LAPTM4A: variants seen among roughly 807,000 people sequenced by gnomAD.
LAPTM4A encodes lysosomal-associated transmembrane protein 4A.
A neutral mutation model predicts 29.9 loss-of-function variants in LAPTM4A; 19 were observed. That is an observed-to-expected ratio of 0.64 (90% CI 0.44 to 0.93). The LOEUF is 0.93. Ranked by LOEUF, LAPTM4A falls within the 40% of genes least tolerant of loss-of-function variation. LAPTM4A has a pLI of 0.00. For missense variants in LAPTM4A, 293 were observed against 288.5 expected, an observed-to-expected ratio of 1.02 and a Z score of -0.11; for synonymous variants, 105 against 102.1, an observed-to-expected ratio of 1.03 and a Z score of -0.17.
chr2:20,050,034 A>G (rs1057163934), intron 1 of LAPTM4A, among the ~76,000 whole-genome samples: 5 of 152,238 alleles, frequency 3.3e-5, no homozygotes, highest in South Asian at 2.1e-4. Context: ...ATACAGAACG[A>G]AAGAGTCTCT....
intron 1 of LAPTM4A, among the ~76,000 whole-genome samples, chr2:20,044,164 C>G (rs948531117): frequency 1.3e-5 from 2 of 152,082 alleles, no homozygotes; most frequent in Non-Finnish European, 2.9e-5. Context: ...TTTTTTGTTG[C>G]CCACATTTGC....
In LAPTM4A at chr2:20,040,920, C is replaced by T; in HGVS notation, c.203G>A (p.Gly68Asp). The T allele has an allele frequency of 6.2e-7, 1 of 1,613,648 alleles. No homozygotes were observed. The highest frequency in any genetic ancestry group is 8.5e-7 in the Non-Finnish European group (1 of 1,179,608). The stretch of plus-strand genomic sequence containing the variant: ...CATTCTCTCAGACGAATAGTAATTA[C>T]CGATGACTTCATACTGAATGTTGAC... Reference protein sequence around the residue: ...PAVNIQYEVIGNYYSSERMAD... With the variant: ...PAVNIQYEVIDNYYSSERMAD... Residue 68 changes from glycine to aspartate, a missense_variant, in exon 2 of 7, where the codon GGT (glycine) becomes GAT (aspartate). Transcript: ENST00000175091.
intron 5 of LAPTM4A, 152 bp from the exon 6 acceptor site, chr2:20,034,567 C>G (rs975308285): frequency 2.1e-5 from 13 of 622,564 alleles, no homozygotes; most frequent in Non-Finnish European, 3.4e-5. Flanking sequence ...GGCCCTTTCC[C>G]TACTTGCTCT....
rs372884199 is a variant in LAPTM4A at position 20,047,559 on chromosome 2, G to A, written c.111+3851C>T. Among the ~76,000 whole-genome samples the A allele has an allele frequency of 4.7e-4, 71 of 149,804 alleles. No individual in the cohort carries two copies. The East Asian group carries it at 0.012, about 26-fold the overall frequency. Reference sequence around the variant, plus strand: ...CAAAAAATTAGCCGGGCGCGGTGGCGGGCGCCTGTAGTCCCAGCTACTCGG... The same window carrying A: ...CAAAAAATTAGCCGGGCGCGGTGGCAGGCGCCTGTAGTCCCAGCTACTCGG... On this transcript the variant is annotated intron_variant, in intron 1 of 6. Transcript: ENST00000175091.
chr2:20,037,341 C>A lies in LAPTM4A; in HGVS notation c.407G>T (p.Arg136Ile). The change falls in exon 4 of 7, where the codon AGA (arginine) becomes ATA (isoleucine). Residue 136 changes from arginine (R) to isoleucine (I), a missense_variant. Arg to Ile is a moderately conservative substitution (Grantham distance 97). Coordinates refer to ENST00000175091, the MANE Select transcript of LAPTM4A (RefSeq NM_014713.5). ...TAGTTGATCCAGATATTCTTTGATT[C>A]TTGGCAAATAGGTGAGAGAACTAAT... Reference protein sequence around the residue: ...VAISSLTYLPRIKEYLDQLPD... With the variant: ...VAISSLTYLPIIKEYLDQLPD... 6.2e-7 allele frequency: 1 copy of A among 1,612,514 alleles called. No homozygotes were observed. The highest frequency in any genetic ancestry group is 8.5e-7 in the Non-Finnish European group (1 of 1,179,252).
chr2:20,049,835 T>C (rs569874365), intron 1 of LAPTM4A, among the ~76,000 whole-genome samples: 69 of 152,306 alleles, frequency 4.5e-4, no homozygotes, highest in Admixed American at 7.2e-4. Flanking sequence ...GAAGACGGAA[T>C]TGAGTAATAG....
At chr2:20,045,061 T>A (rs1284861449) in intron 1 of LAPTM4A, among the ~76,000 whole-genome samples, 3 of 152,244 alleles carry the variant, frequency 2.0e-5, no homozygotes. Context: ...ATCTTAAAGA[T>A]ATTCACCAAC....
At position 20,035,064 on chromosome 2, in the gene LAPTM4A, T is replaced by C. The variant is rs113700130; in HGVS notation, c.433-2A>G. 1.2e-6 allele frequency: 2 copies of C among 1,603,088 alleles called. No individual in the cohort carries two copies. The highest frequency in any genetic ancestry group is 1.3e-5 in the African/African-American group (1 of 74,564). On this transcript the variant is annotated splice_acceptor_variant, in intron 4 of 6. Coordinates refer to ENST00000175091, the MANE Select transcript of LAPTM4A (RefSeq NM_014713.5). LOFTEE classifies it high-confidence loss of function. ...GTCATCTTTGTAGGGAAAATCAGGC[T>C]ATTAAAGAAACACACACACATTTAC... is the stretch of plus-strand genomic sequence containing the variant.
Position 20,040,947 on chromosome 2 carries a change from G to A in LAPTM4A, c.176C>T (p.Ala59Val), listed in dbSNP as rs574877385. 2.5e-6 allele frequency: 4 copies of A among 1,613,188 alleles called. No individual in the cohort carries two copies. Among genetic ancestry groups the A allele is most frequent in the Non-Finnish European group, 3.4e-6 (4 of 1,179,256 alleles). ...VEVTHPNSMP[A>V]VNIQYEVIGN... ...GATGACTTCATACTGAATGTTGACA[G>A]CTGGCATGGAGTTTGGATGAGTCAC... is the stretch of plus-strand genomic sequence containing the variant. The change falls in exon 2 of 7, where the codon GCT becomes GTT. Residue 59 changes from alanine to valine, a missense_variant. Ala to Val is a moderately conservative substitution (Grantham distance 64, BLOSUM62 0). Coordinates refer to ENST00000175091, the MANE Select transcript of LAPTM4A (RefSeq NM_014713.5).
chr2:20,041,986 C>T (rs1673811367), intron 1 of LAPTM4A, among the ~76,000 whole-genome samples: 1 of 152,204 alleles, frequency 6.6e-6, no homozygotes, highest in Admixed American at 6.5e-5. Context: ...ACCTATTTCC[C>T]TTTTGTCTTC....
chr2:20,045,465 T>TA (rs397955198), intron 1 of LAPTM4A, among the ~76,000 whole-genome samples: 34,772 of 139,750 alleles, frequency 0.25, 4,933 homozygotes, highest in African/African-American at 0.4. Flanking sequence ...CCCATCTCTT[T>TA]AAAAAAAAAA....
chr2:20,042,675 A>C (rs13417047), intron 1 of LAPTM4A, among the ~76,000 whole-genome samples: 4,019 of 152,278 alleles, frequency 0.026, 170 homozygotes, highest in African/African-American at 0.091. Flanking sequence ...GAATTTTCCT[A>C]GTCTCCCAGG....
intron 1 of LAPTM4A, among the ~76,000 whole-genome samples, chr2:20,043,568 T>A (rs1284224041): frequency 2.0e-5 from 3 of 152,226 alleles, no homozygotes; most frequent in African/African-American, 7.2e-5. Context: ...CTGTTTCACC[T>A]TGAATGATAA....
chr2:20,046,802 A>AAATATATATATAATATAATATATT (rs1673934094), intron 1 of LAPTM4A, among the ~76,000 whole-genome samples: 1 of 143,804 alleles, frequency 7.0e-6, no homozygotes, highest in South Asian at 2.1e-4. Flanking sequence ...TATAATATAT[A>AAATATATATATAATATAATATATT]TTTTTTTTTG....
At chr2:20,038,800 A>G (rs1364498299) in intron 2 of LAPTM4A, among the ~76,000 whole-genome samples, 1 of 152,222 alleles carries the variant, frequency 6.6e-6, no homozygotes, top group Non-Finnish European at 1.5e-5. Flanking sequence ...CAATATAGCA[A>G]GACCCTGTAT....
Position 20,051,432 on chromosome 2 carries a change from A to G in LAPTM4A, c.89T>C (p.Ile30Thr). The stretch of plus-strand genomic sequence containing the variant: ...TACCATGTACCAGGTCCCCAGGATG[A>G]TCGTCCCGGTGCGGACATGGCAACA... ...CGCCHVRTGTIILGTWYMVVN... is the reference protein window; with the variant it reads ...CGCCHVRTGTTILGTWYMVVN... The change falls in exon 1 of 7, where the codon ATC becomes ACC. Residue 30 changes from isoleucine (I) to threonine (T), a missense_variant. Physicochemically the swap from Ile to Thr is moderately conservative, Grantham distance 89. Coordinates refer to ENST00000175091, the MANE Select transcript of LAPTM4A (RefSeq NM_014713.5). 1 of 1,612,886 alleles carries G rather than the reference A, an allele frequency of 6.2e-7. No individual in the cohort carries two copies. Among genetic ancestry groups the G allele is most frequent in the South Asian group, 1.1e-5 (1 of 90,972 alleles).
At chr2:20,043,953 C>T (rs918871422) in intron 1 of LAPTM4A, among the ~76,000 whole-genome samples, 38 of 152,228 alleles carry the variant, frequency 2.5e-4, no homozygotes, top group Admixed American at 2.2e-3. Context: ...AAACATTCCC[C>T]AGTAACTCCT....
intron 1 of LAPTM4A, among the ~76,000 whole-genome samples, chr2:20,050,616 C>A (rs2148216793): frequency 6.6e-6 from 1 of 152,252 alleles, no homozygotes; most frequent in Middle Eastern, 3.4e-3. Context: ...AAATCACAAA[C>A]TTATTACTAG....
chr2:20,036,569 T>C (rs1147116), intron 4 of LAPTM4A, among the ~76,000 whole-genome samples: 104,760 of 152,138 alleles, frequency 0.69, 37,709 homozygotes, highest in Non-Finnish European at 0.79. Flanking sequence ...AAATGAATGA[T>C]GAATTTGGTG....
Sources: gnomAD v4.1 joint callset for allele counts (sites outside exome capture counted in the v4.1 genomes callset) on GRCh38, gnomAD v4.1.1 for gene constraint, MANE v1.5 for transcripts, NCBI Gene and HGNC (gene_info 2026-07-23, HGNC 2026-07-21) for gene names.